Variants in PCCA observed in about 807,000 individuals in gnomAD.
PCCA encodes the protein propionyl-CoA carboxylase alpha chain, mitochondrial.
Under a neutral mutation model 101.3 loss-of-function variants are expected in PCCA, and 74 were observed. The observed-to-expected ratio is 0.73, with a 90% CI of 0.61 to 0.89. The LOEUF (loss-of-function observed/expected upper bound fraction) is 0.89. Ranked by LOEUF, PCCA falls within the 40% of genes least tolerant of loss-of-function variation. The probability of loss-of-function intolerance (pLI) is 0.00; values close to 1 mark genes in which losing one functional copy is unlikely to be tolerated. For synonymous variants in PCCA, 294 were observed against 313.6 expected (o/e 0.94, Z 0.66); for missense variants, 891 against 907.0 (o/e 0.98, Z 0.23).
chr13:100,095,485 C>T (rs1235662010), intron 1 of PCCA, among the ~76,000 whole-genome samples: 2 of 152,078 alleles, frequency 1.3e-5, no homozygotes, highest in Admixed American at 1.3e-4. Flanking sequence ...GAAGTGCTCT[C>T]GAAGGAAAAA....
At chr13:100,247,433 G>GTC (rs1380081222) in intron 8 of PCCA, among the ~76,000 whole-genome samples, 1 of 150,514 alleles carries the variant, frequency 6.6e-6, no homozygotes. Context: ...AGCCAGGATG[G>GTC]TCTTGATCTC....
At chr13:100,224,457 G>A (rs2060027094) in intron 7 of PCCA, among the ~76,000 whole-genome samples, 2 of 152,252 alleles carry the variant, frequency 1.3e-5, no homozygotes, top group Non-Finnish European at 2.9e-5. Flanking sequence ...GGAAGCTGAG[G>A]GAGCTGGCTC....
intron 2 of PCCA, among the ~76,000 whole-genome samples, chr13:100,105,441 G>A (rs1207312906): frequency 6.6e-6 from 1 of 152,074 alleles, no homozygotes; most frequent in East Asian, 1.9e-4. Flanking sequence ...TTGTTGAAGA[G>A]GACACATTAT....
chr13:100,441,283 C>G (rs1005574489), intron 20 of PCCA, among the ~76,000 whole-genome samples: 1 of 152,042 alleles, frequency 6.6e-6, no homozygotes, highest in South Asian at 2.1e-4. Context: ...CACTGCAGAC[C>G]GATAAGACAA....
chr13:100,256,897 A>G (rs2062111750), intron 8 of PCCA, among the ~76,000 whole-genome samples: 1 of 152,236 alleles, frequency 6.6e-6, no homozygotes, highest in African/African-American at 2.4e-5. Flanking sequence ...TATAATAACT[A>G]AATACTTAAT....
chr13:100,235,101 TA>T (rs2060712661), intron 7 of PCCA, among the ~76,000 whole-genome samples: 2 of 152,172 alleles, frequency 1.3e-5, no homozygotes, highest in South Asian at 4.1e-4. Context: ...TGGCATTGGT[TA>T]ATATTTAGCA....
chr13:100,144,063 C>A (rs1782939738), intron 4 of PCCA, among the ~76,000 whole-genome samples: 1 of 151,980 alleles, frequency 6.6e-6, no homozygotes, highest in African/African-American at 2.4e-5. Flanking sequence ...CATGCCCGGC[C>A]CCAGATATTT....
intron 1 of PCCA, among the ~76,000 whole-genome samples, chr13:100,092,353 A>C (rs2046355770): frequency 2.0e-5 from 3 of 151,722 alleles, no homozygotes; most frequent in Admixed American, 2.0e-4. Flanking sequence ...TGAACCTTAG[A>C]TAATATGATT....
At chr13:100,144,611 A>C (rs1036583714) in intron 4 of PCCA, among the ~76,000 whole-genome samples, 1 of 152,206 alleles carries the variant, frequency 6.6e-6, no homozygotes, top group Non-Finnish European at 1.5e-5. Context: ...TGATTTTTAA[A>C]TTAAAAATAC....
chr13:100,505,028 T>G (rs939918869), intron 21 of PCCA, among the ~76,000 whole-genome samples: 4 of 152,214 alleles, frequency 2.6e-5, no homozygotes, highest in Admixed American at 2.0e-4. Flanking sequence ...AAAGTCGACC[T>G]TTCCCAAGCT....
At position 100,273,177 on chromosome 13, in the gene PCCA, CA is replaced by C. The variant is rs1378441257; in HGVS notation, c.915-18del. On this transcript the variant is annotated intron_variant, in intron 11 of 23. Transcript: ENST00000376285. The stretch of plus-strand genomic sequence containing the variant: ...GATTTTTGTCCGAAATGTAGACAAA[CA>C]TTTTTTTGTATATGTAGCATTTTTT... 1.9e-6 allele frequency: 3 copies of C among 1,604,184 alleles called. No individual in the cohort carries two copies. The highest frequency in any genetic ancestry group is 1.3e-5 in the African/African-American group (1 of 74,740).
In PCCA at chr13:100,127,764, T is replaced by C. The variant is rs868772851; in HGVS notation, c.300+15703T>C. On this transcript the variant is annotated intron_variant, in intron 4 of 23. Coordinates refer to ENST00000376285, the MANE Select transcript of PCCA (RefSeq NM_000282.4). ...AAAGTTAGCCGGGCGTGGTGGTGGG[T>C]GCGTGTAGTCCCAGCTTCTCGGGAG... 2.0e-5 allele frequency among the ~76,000 whole-genome samples: 3 copies of C among 151,898 alleles called. No homozygotes were observed. The South Asian group carries it at 6.2e-4, about 32-fold the overall frequency.
chr13:100,283,313 A>G (rs1395376525), intron 12 of PCCA, among the ~76,000 whole-genome samples: 2 of 152,184 alleles, frequency 1.3e-5, no homozygotes, highest in Non-Finnish European at 1.5e-5. Flanking sequence ...CATCCCCAGT[A>G]TGGATCCCCA....
intron 19 of PCCA, among the ~76,000 whole-genome samples, chr13:100,383,106 T>C (rs2076317871): frequency 6.6e-6 from 1 of 151,968 alleles, no homozygotes; most frequent in Non-Finnish European, 1.5e-5. Context: ...GGAGAGCACC[T>C]CAGTCCCCCA....
At chr13:100,262,276 C>G (rs1029063065) in intron 9 of PCCA, among the ~76,000 whole-genome samples, 12 of 151,952 alleles carry the variant, frequency 7.9e-5, no homozygotes, top group African/African-American at 2.7e-4. Context: ...ACCTGTATTC[C>G]CAGCTACTCG....
At chr13:100,436,505 A>G (rs2079948879) in intron 20 of PCCA, among the ~76,000 whole-genome samples, 1 of 152,242 alleles carries the variant, frequency 6.6e-6, no homozygotes, top group African/African-American at 2.4e-5. Flanking sequence ...CAAAGGGAGT[A>G]GCCCCTGGTC....
chr13:100,364,766 A>C (rs555583394), intron 18 of PCCA, among the ~76,000 whole-genome samples: 8 of 152,314 alleles, frequency 5.3e-5, no homozygotes, highest in South Asian at 2.1e-4. Context: ...AATTGTTAGA[A>C]AAAGGCTGGG....
chr13:100,429,901 C>T (rs2079417270), intron 20 of PCCA, among the ~76,000 whole-genome samples: 1 of 151,832 alleles, frequency 6.6e-6, no homozygotes, highest in Non-Finnish European at 1.5e-5. Context: ...GCCATCACAC[C>T]CAGCCAAAAA....
chr13:100,250,406 T>C (rs1427266231), intron 8 of PCCA, among the ~76,000 whole-genome samples: 1 of 152,150 alleles, frequency 6.6e-6, no homozygotes, highest in Non-Finnish European at 1.5e-5. Context: ...CAGGATTAAA[T>C]CCCATTTGGT....
Sources: gnomAD v4.1 joint callset for allele counts (sites outside exome capture counted in the v4.1 genomes callset) on GRCh38, gnomAD v4.1.1 for gene constraint, MANE v1.5 for transcripts, NCBI Gene and HGNC (gene_info 2026-07-23, HGNC 2026-07-21) for gene names.